Variants in CACNA2D4 observed in about 807,000 individuals in gnomAD.
The protein encoded by CACNA2D4 is calcium voltage-gated channel auxiliary subunit alpha2delta 4.
A neutral mutation model predicts 163.8 loss-of-function variants in CACNA2D4; 157 were observed. That is an observed-to-expected ratio of 0.96 (90% confidence interval 0.84 to 1.09). The LOEUF is 1.09. Ranked by LOEUF, CACNA2D4 falls within the 50% of genes least tolerant of loss-of-function variation. CACNA2D4 has a pLI of 0.00. For synonymous variants in CACNA2D4, 598 were observed against 586.9 expected (o/e 1.02, Z -0.27); for missense variants, 1,410 against 1,479.9 (o/e 0.95, Z 0.78).
intron 18 of CACNA2D4, among the ~76,000 whole-genome samples, chr12:1,865,743 C>A (rs1384134174): frequency 1.3e-5 from 2 of 152,146 alleles, no homozygotes; most frequent in South Asian, 2.1e-4. Context: ...GTGTGGGGAA[C>A]CGGGGCGCGG....
At position 1,793,348 on chromosome 12, in the gene CACNA2D4, G is replaced by C. The variant is rs1863028592; in HGVS notation, c.*307C>G. 1 of 454,928 alleles carries C rather than the reference G, an allele frequency of 2.2e-6. No individual in the cohort carries two copies. Among genetic ancestry groups the C allele is most frequent in the African/African-American group, 2.0e-5 (1 of 50,922 alleles). The allele number at this position is 454,928 out of a possible 1,614,324, so 28.2% of individuals were successfully genotyped here. A position where few individuals can be genotyped will look rare whatever the true frequency, so the allele number is the denominator to read the frequency against. On this transcript the variant is annotated 3_prime_UTR_variant, in exon 38 of 38. Coordinates refer to ENST00000382722, the MANE Select transcript of CACNA2D4 (RefSeq NM_172364.5). ...AGGAAGAACTAAATTATTTTGTCTT[G>C]GTCCAAGCTGAGCTCACGCTGGCTT...
chr12:1,796,272 C>T (rs1478387290), intron 35 of CACNA2D4, among the ~76,000 whole-genome samples: 1 of 152,230 alleles, frequency 6.6e-6, no homozygotes, highest in Non-Finnish European at 1.5e-5. Flanking sequence ...CCGCCAGGCC[C>T]ACGGCCTTCC....
intron 6 of CACNA2D4, among the ~76,000 whole-genome samples, chr12:1,887,807 A>G (rs564715845): frequency 6.6e-6 from 1 of 152,194 alleles, no homozygotes; most frequent in South Asian, 2.1e-4. Context: ...AAGAGTAAAA[A>G]TAACAGGTGG....
At chr12:1,889,389 T>C (rs1866224643) in intron 6 of CACNA2D4, among the ~76,000 whole-genome samples, 1 of 152,114 alleles carries the variant, frequency 6.6e-6, no homozygotes, top group Non-Finnish European at 1.5e-5. Context: ...GATGAAAAAT[T>C]TGAAATATTG....
chr12:1,893,720 T>C (rs1214887473), intron 6 of CACNA2D4, among the ~76,000 whole-genome samples: 2 of 151,868 alleles, frequency 1.3e-5, no homozygotes, highest in Admixed American at 1.3e-4. Context: ...AAATGAAAAT[T>C]GAAAAACAAT....
At chr12:1,913,990 G>A (rs1289334114) in intron 2 of CACNA2D4, among the ~76,000 whole-genome samples, 1 of 152,234 alleles carries the variant, frequency 6.6e-6, no homozygotes, top group African/African-American at 2.4e-5. Flanking sequence ...GGAGCGTGCT[G>A]TGAGGGGCAG....
Position 1,810,320 on chromosome 12 carries a change from G to A in CACNA2D4, c.2679C>T (p.Ile893=), listed in dbSNP as rs374453274. 5.6e-6 allele frequency: 9 copies of A among 1,613,720 alleles called. No individual in the cohort carries two copies. Among genetic ancestry groups the A allele is most frequent in the African/African-American group, 2.7e-5 (2 of 74,926 alleles). ...CEDSDLDCFV[I]DNNGFILISK... is the part of the protein sequence containing the mutation. Reference sequence around the variant, plus strand: ...AGATCAGAATGAACCCGTTGTTGTCGATGACGAAGCAGTCCAGATCCTGGG... The same window carrying A: ...AGATCAGAATGAACCCGTTGTTGTCAATGACGAAGCAGTCCAGATCCTGGG... The change falls in exon 29 of 38, where the codon ATC becomes ATT. Residue 893 remains isoleucine (I), a synonymous_variant. Transcript: ENST00000382722.
rs1334997734 is a variant in CACNA2D4, at chr12:1,886,317, C to T, written c.899G>A (p.Gly300Asp). ...AGTCATCCTCAGCCCCTTCATACTG[C>T]CGCTCACGTCCACCAAAATCACTAT... Reference protein sequence around the residue: ...KDIVILVDVSGSMKGLRMTIA... With the variant: ...KDIVILVDVSDSMKGLRMTIA... Residue 300 changes from glycine to aspartate, a missense_variant, in exon 8 of 38, where the codon GGC becomes GAC. Transcript: ENST00000382722. 1.2e-6 allele frequency: 2 copies of T among 1,613,866 alleles called. No individual in the cohort carries two copies.
chr12:1,842,722 C>T (rs1434114917), intron 25 of CACNA2D4, among the ~76,000 whole-genome samples: 3 of 144,144 alleles, frequency 2.1e-5, no homozygotes, highest in Non-Finnish European at 4.5e-5. Context: ...GGGGCAGGGG[C>T]TGGGGCCTCA....
Position 1,828,169 on chromosome 12 carries a change from C to T in CACNA2D4, c.2551+12570G>A, listed in dbSNP as rs1339692981. On this transcript the variant is annotated intron_variant, in intron 26 of 37. Coordinates refer to ENST00000382722, the MANE Select transcript of CACNA2D4 (RefSeq NM_172364.5). This position sits in a 1 kb window ranked among gnomAD's most constrained non-coding sequence, Gnocchi z 4.2. ...TCACCATGCTGGCGCCGGGCAGCAG[C>T]CCTGGGCAGAGGGGCAGGCTCGCCC... 2 of 1,546,118 alleles carry T rather than the reference C, an allele frequency of 1.3e-6. No individual in the cohort carries two copies. The highest frequency in any genetic ancestry group is 1.7e-6 in the Non-Finnish European group (2 of 1,144,912).
chr12:1,816,432 AC>A (rs1863873611), intron 26 of CACNA2D4, among the ~76,000 whole-genome samples: 1 of 151,798 alleles, frequency 6.6e-6, no homozygotes, highest in South Asian at 2.1e-4. Flanking sequence ...CAAATCTCAG[AC>A]CCCTTCCTGC....
intron 26 of CACNA2D4, among the ~76,000 whole-genome samples, chr12:1,827,178 C>A (rs545899928): frequency 6.6e-6 from 1 of 151,500 alleles, no homozygotes; most frequent in African/African-American, 2.4e-5. Flanking sequence ...ACATGCCAGT[C>A]CCCTGTCCCC....
intron 6 of CACNA2D4, among the ~76,000 whole-genome samples, chr12:1,890,506 C>T (rs1049516682): frequency 6.6e-6 from 1 of 152,190 alleles, no homozygotes; most frequent in Non-Finnish European, 1.5e-5. Flanking sequence ...CATGTACAGC[C>T]GTTGCACTGT....
chr12:1,847,377 A>C (rs1210262935), intron 23 of CACNA2D4, among the ~76,000 whole-genome samples: 2 of 152,186 alleles, frequency 1.3e-5, no homozygotes, highest in Non-Finnish European at 2.9e-5. Flanking sequence ...GGTGTGTGCT[A>C]TAGTGAGCAT....
chr12:1,835,000 G>C lies in CACNA2D4; in HGVS notation c.2551+5739C>G, dbSNP rs1199992463. ...AGCTCTGGCCACAGCAAAGCAAGGA[G>C]GTGTGTGCAAGAGGAGGCTTCCGGA... On this transcript the variant is annotated intron_variant, in intron 26 of 37. Transcript: ENST00000382722. The surrounding 1 kb of genome is among the most constrained non-coding windows in gnomAD (Gnocchi z 7.6). 2 of 496,682 alleles carry C rather than the reference G, an allele frequency of 4.0e-6. No individual in the cohort carries two copies. The highest frequency in any genetic ancestry group is 6.8e-6 in the Non-Finnish European group (2 of 293,172). The allele number at this position is 496,682 out of a possible 1,614,324, so 30.8% of individuals were successfully genotyped here. A position where few individuals can be genotyped will look rare whatever the true frequency, so the allele number is the denominator to read the frequency against.
intron 26 of CACNA2D4, among the ~76,000 whole-genome samples, chr12:1,818,080 G>A (rs1432128869): frequency 6.7e-6 from 1 of 148,354 alleles, no homozygotes; most frequent in Non-Finnish European, 1.5e-5. Context: ...GATGTGGGGA[G>A]CGCCTCTGCC....
chr12:1,808,160 A>G (rs1354081904), intron 29 of CACNA2D4, among the ~76,000 whole-genome samples: 1 of 152,050 alleles, frequency 6.6e-6, no homozygotes, highest in African/African-American at 2.4e-5. Context: ...GGGACCCTGG[A>G]GGGACCCTGG....
chr12:1,895,481 C>T (rs573853071), intron 6 of CACNA2D4, among the ~76,000 whole-genome samples: 1 of 152,144 alleles, frequency 6.6e-6, no homozygotes, highest in African/African-American at 2.4e-5. Context: ...CATCACACTG[C>T]CTGACTTCAA....
Position 1,801,086 on chromosome 12 carries a change from T to G in CACNA2D4, c.2825A>C (p.Lys942Thr). The G allele has an allele frequency of 6.2e-7, 1 of 1,613,762 alleles. No homozygotes were observed. Among genetic ancestry groups the G allele is most frequent in the Non-Finnish European group, 8.5e-7 (1 of 1,179,856 alleles). Residue 942 changes from lysine (K) to threonine (T), a missense_variant, in exon 31 of 38, where the codon AAA (lysine) becomes ACA (threonine). Coordinates refer to ENST00000382722, the MANE Select transcript of CACNA2D4 (RefSeq NM_172364.5). ...VTMYDYQAMC[K>T]PSSHHHSAAQ... is the part of the protein sequence containing the mutation. ...TGCACTGTGGTGGTGACTCGAGGGT[T>G]TGCACATGGCCTGATAGTCATACAT...
Sources: gnomAD v4.1 joint callset for allele counts (sites outside exome capture counted in the v4.1 genomes callset) on GRCh38, gnomAD v4.1.1 for gene constraint, Gnocchi (gnomAD v3.1) non-coding constraint, MANE v1.5 for transcripts, NCBI Gene and HGNC (gene_info 2026-07-23, HGNC 2026-07-21) for gene names.